The following TBC1D19 variants were observed in gnomAD, a reference collection of about 807,000 sequenced individuals.
The protein encoded by TBC1D19 is TBC1 domain family, member 19.
TBC1D19 carries 60 observed loss-of-function variants against 89.0 expected under a neutral mutation model. The ratio of observed to expected loss-of-function variants is 0.67; its 90% CI spans 0.55 to 0.84. The LOEUF (loss-of-function observed/expected upper bound fraction) is 0.84. Ranked by LOEUF, TBC1D19 falls within the 40% of genes least tolerant of loss-of-function variation. The pLI, the probability that TBC1D19 is intolerant of heterozygous loss-of-function variation, is 0.00. For synonymous variants in TBC1D19, 189 were observed against 199.7 expected (o/e 0.95, Z 0.45); for missense variants, 500 against 610.8 (o/e 0.82, Z 1.91).
At chr4:26,831,094 G>A in the TBC1D19 span, among the ~76,000 whole-genome samples, 1 of 150,092 alleles carries the variant, frequency 6.7e-6, no homozygotes, top group Non-Finnish European at 1.5e-5. Flanking sequence ...ATATCACAAA[G>A]AGGGCCAACT....
intron 7 of TBC1D19, among the ~76,000 whole-genome samples, chr4:26,658,682 G>A (rs1454797954): frequency 6.6e-6 from 1 of 152,114 alleles, no homozygotes; most frequent in East Asian, 1.9e-4. Flanking sequence ...GGGCAGTATG[G>A]CCATTTTCAC....
At chr4:26,724,262 A>G (rs1717159890) in intron 15 of TBC1D19, among the ~76,000 whole-genome samples, 1 of 152,210 alleles carries the variant, frequency 6.6e-6, no homozygotes, top group Non-Finnish European at 1.5e-5. Context: ...TAGTAAGTCC[A>G]ATGTCTGTGC....
intron 13 of TBC1D19, among the ~76,000 whole-genome samples, chr4:26,697,470 C>T (rs1310345902): frequency 6.6e-6 from 1 of 152,098 alleles, no homozygotes; most frequent in African/African-American, 2.4e-5. Context: ...TGAAACTATT[C>T]CAATCAATAG....
chr4:26,758,231 A>ACTTTATT (rs1240506417), downstream of TBC1D19, among the ~76,000 whole-genome samples: 1 of 152,112 alleles, frequency 6.6e-6, no homozygotes, highest in East Asian at 1.9e-4. Flanking sequence ...TGATTTTGTC[A>ACTTTATT]CTTTATTCTC....
intron 7 of TBC1D19, among the ~76,000 whole-genome samples, chr4:26,650,487 G>A (rs1396603028): frequency 1.3e-5 from 2 of 152,306 alleles, no homozygotes; most frequent in East Asian, 1.9e-4. Flanking sequence ...TTTTTCACGT[G>A]TCTTTTGGCT....
At chr4:26,720,819 A>G (rs1180564739) in intron 15 of TBC1D19, among the ~76,000 whole-genome samples, 2 of 152,128 alleles carry the variant, frequency 1.3e-5, no homozygotes, top group African/African-American at 4.8e-5. Flanking sequence ...AGTAAGTTAC[A>G]TGACTTCTCT....
chr4:26,771,782 T>G, the TBC1D19 span, among the ~76,000 whole-genome samples: 1 of 152,170 alleles, frequency 6.6e-6, no homozygotes, highest in East Asian at 1.9e-4. Context: ...ACTTAAAATT[T>G]TGTTCAAAGG....
intron 15 of TBC1D19, among the ~76,000 whole-genome samples, chr4:26,735,030 A>C (rs911703321): frequency 3.2e-5 from 3 of 95,028 alleles, no homozygotes; most frequent in South Asian, 4.0e-4. Context: ...ACACATGTAT[A>C]TATGTATATG....
upstream of TBC1D19, among the ~76,000 whole-genome samples, chr4:26,582,542 T>C (rs1190346090): frequency 6.6e-6 from 1 of 152,206 alleles, no homozygotes; most frequent in African/African-American, 2.4e-5. Context: ...CTCCTCTCTC[T>C]GCCTCTTCTT....
At chr4:26,828,923 A>C in the TBC1D19 span, among the ~76,000 whole-genome samples, 1 of 152,230 alleles carries the variant, frequency 6.6e-6, no homozygotes, top group Non-Finnish European at 1.5e-5. Flanking sequence ...GTGATGCAGG[A>C]GAATGGAAAG....
At position 26,683,723 on chromosome 4, in the gene TBC1D19, C is replaced by CTT; in HGVS notation, c.868_869dup (p.Leu290PhefsTer6). On this transcript the variant is annotated frameshift_variant, in exon 12 of 21. Transcript: ENST00000264866. LOFTEE classifies it high-confidence loss of function. ...TAAGACCAATGTGATACAACATGAC[C>CTT]TTTTGGTGGACAGTCTAATCTATAA... 6.2e-7 allele frequency: 1 copy of CTT among 1,612,542 alleles called. No homozygotes were observed. Among genetic ancestry groups the CTT allele is most frequent in the South Asian group, 1.1e-5 (1 of 90,830 alleles).
At chr4:26,808,426 TTATTA>T in the TBC1D19 span, among the ~76,000 whole-genome samples, 2 of 152,124 alleles carry the variant, frequency 1.3e-5, no homozygotes, top group East Asian at 1.9e-4. Flanking sequence ...AATCAAATCA[TTATTA>T]TATTAAGAAA....
chr4:26,636,936 C>A (rs998869930), intron 4 of TBC1D19, among the ~76,000 whole-genome samples: 1 of 151,976 alleles, frequency 6.6e-6, no homozygotes, highest in Admixed American at 6.6e-5. Context: ...GACTTCTTGA[C>A]ATTTTAAAAA....
At chr4:26,602,255 C>T (rs1192148803) in intron 1 of TBC1D19, among the ~76,000 whole-genome samples, 1 of 152,028 alleles carries the variant, frequency 6.6e-6, no homozygotes, top group Non-Finnish European at 1.5e-5. Flanking sequence ...GGTTTGTAGG[C>T]CTCTGGTGGT....
At chr4:26,845,912 T>A in the TBC1D19 span, among the ~76,000 whole-genome samples, 14 of 152,170 alleles carry the variant, frequency 9.2e-5, no homozygotes, top group South Asian at 2.1e-4. Context: ...GTCTCTCCCA[T>A]AACATGTGGG....
chr4:26,842,611 T>C, the TBC1D19 span, among the ~76,000 whole-genome samples: 2 of 143,482 alleles, frequency 1.4e-5, no homozygotes, highest in Admixed American at 7.1e-5. Flanking sequence ...TTTCTTTCTT[T>C]CTTTCTTTCT....
the TBC1D19 span, among the ~76,000 whole-genome samples, chr4:26,836,004 TC>T: frequency 6.6e-6 from 1 of 150,760 alleles, no homozygotes; most frequent in Non-Finnish European, 1.5e-5. Flanking sequence ...TCTCTCTCTC[TC>T]TATCACTTCT....
chr4:26,588,938 A>G (rs558891888), intron 1 of TBC1D19, among the ~76,000 whole-genome samples: 5 of 152,102 alleles, frequency 3.3e-5, no homozygotes, highest in African/African-American at 4.8e-5. Context: ...TTCAGTCAAT[A>G]TAGACAAGGA....
chr4:26,741,694 C>G (rs1000286676), intron 17 of TBC1D19, among the ~76,000 whole-genome samples: 2 of 151,462 alleles, frequency 1.3e-5, no homozygotes, highest in Admixed American at 6.6e-5. Context: ...TGGCTTGCAG[C>G]TAGACTGAAC....
Sources: allele counts gnomAD v4.1 joint callset (sites outside exome capture counted in the v4.1 genomes callset), GRCh38; gene constraint gnomAD v4.1.1; transcripts MANE v1.5; gene names NCBI Gene and HGNC (gene_info 2026-07-23, HGNC 2026-07-21).